The following MTSS1 variants were observed in gnomAD, a reference collection of about 807,000 sequenced individuals.
MTSS1 encodes the protein protein MTSS 1.
Under a neutral mutation model 79.0 loss-of-function variants are expected in MTSS1, and 18 were observed. The ratio of observed to expected loss-of-function variants is 0.23; its 90% CI spans 0.16 to 0.34. The LOEUF (loss-of-function observed/expected upper bound fraction) is 0.34, where lower values mean the gene tolerates loss of function less well. Ranked by LOEUF, MTSS1 falls within the 10% of genes least tolerant of loss-of-function variation. MTSS1 has a pLI of 1.00. For synonymous variants in MTSS1, 341 were observed against 368.6 expected (o/e 0.93, Z 0.86); for missense variants, 815 against 986.2 (o/e 0.83, Z 2.33).
At chr8:124,704,273 A>G (rs945633363) in intron 1 of MTSS1, 82 bp from the exon 2 acceptor site, 96 of 1,192,298 alleles carry the variant, frequency 8.1e-5, no homozygotes, top group Non-Finnish European at 1.1e-4. Flanking sequence ...AATTCCAATC[A>G]TGCAGGGAAC....
In MTSS1 at chr8:124,555,738, G is replaced by A. The variant is rs375368093; in HGVS notation, c.1567+4C>T. 2.1e-5 allele frequency: 33 copies of A among 1,604,716 alleles called. No homozygotes were observed. Among genetic ancestry groups the A allele is most frequent in the Non-Finnish European group, 2.6e-5 (30 of 1,175,436 alleles). On this transcript the variant is annotated splice_donor_region_variant and intron_variant, in intron 13 of 13. Transcript: ENST00000518547. ...CTAAGTGCACACCCCAGGCTGCCTCGTACCTTGGGAAGGGATGGTGTCCTC... is the reference window on the plus strand; with the variant it reads ...CTAAGTGCACACCCCAGGCTGCCTCATACCTTGGGAAGGGATGGTGTCCTC...
chr8:124,568,032 C>T (rs1227133450), intron 7 of MTSS1: 1 of 1,155,766 alleles, frequency 8.7e-7, no homozygotes, highest in African/African-American at 1.6e-5. Context: ...GGTCCCCACC[C>T]CCAGAGGTTT....
intron 10 of MTSS1, among the ~76,000 whole-genome samples, chr8:124,561,373 G>A (rs1825269492): frequency 6.6e-6 from 1 of 152,138 alleles, no homozygotes; most frequent in South Asian, 2.1e-4. Context: ...AGCCAACATT[G>A]CACCACTGCA....
At chr8:124,593,326 A>G (rs76997991) in intron 3 of MTSS1, among the ~76,000 whole-genome samples, 2,884 of 152,306 alleles carry the variant, frequency 0.019, 98 homozygotes, top group African/African-American at 0.066. Context: ...GTAAACTACT[A>G]CTTTCCTGGA....
At chr8:124,641,755 T>G (rs181505158) in intron 3 of MTSS1, among the ~76,000 whole-genome samples, 2 of 152,190 alleles carry the variant, frequency 1.3e-5, no homozygotes, top group Admixed American at 1.3e-4. Flanking sequence ...AGTCAGAGTG[T>G]TCCCCACCTG....
At chr8:124,593,207 T>C (rs1832156397) in intron 3 of MTSS1, among the ~76,000 whole-genome samples, 1 of 152,234 alleles carries the variant, frequency 6.6e-6, no homozygotes, top group African/African-American at 2.4e-5. Context: ...GAGGAACGTT[T>C]TATTCCCCGG....
chr8:124,642,906 A>T (rs1818318738), intron 3 of MTSS1, among the ~76,000 whole-genome samples: 1 of 152,070 alleles, frequency 6.6e-6, no homozygotes, highest in African/African-American at 2.4e-5. Flanking sequence ...CTGGGTTCTT[A>T]AGCACGGTGT....
intron 3 of MTSS1, among the ~76,000 whole-genome samples, chr8:124,670,311 G>A (rs1486191539): frequency 6.6e-6 from 1 of 152,052 alleles, no homozygotes; most frequent in African/African-American, 2.4e-5. Flanking sequence ...AAAGGAATTT[G>A]GCCAATATGG....
chr8:124,563,199 CT>C, intron 9 of MTSS1: 1 of 579,968 alleles, frequency 1.7e-6, no homozygotes, highest in African/African-American at 1.9e-5. Context: ...CAACAAAATG[CT>C]TTTCCAGGTG....
intron 3 of MTSS1, among the ~76,000 whole-genome samples, chr8:124,638,018 G>A (rs929731281): frequency 3.3e-5 from 5 of 152,322 alleles, no homozygotes; most frequent in South Asian, 2.1e-4. Flanking sequence ...TGGGAGCAGC[G>A]TAGTACTTCC....
At chr8:124,720,954 T>G (rs979752901) in intron 1 of MTSS1, among the ~76,000 whole-genome samples, 2 of 152,176 alleles carry the variant, frequency 1.3e-5, no homozygotes, top group Non-Finnish European at 2.9e-5. Context: ...CTTACAGAGA[T>G]TAAATAACTC....
At position 124,658,763 on chromosome 8, in the gene MTSS1, G is replaced by T. The variant is rs144272972; in HGVS notation, c.208+40763C>A. ...AGAACAGCAGCAAAGCGCCAAGGGG[G>T]AAATCCACCCCCACAGTCCAATCAC... On this transcript the variant is annotated intron_variant, in intron 3 of 13. Coordinates refer to ENST00000518547, the MANE Select transcript of MTSS1 (RefSeq NM_014751.6). 1.8e-4 allele frequency among the ~76,000 whole-genome samples: 28 copies of T among 152,208 alleles called. No homozygotes were observed. In the East Asian group the frequency reaches 5.4e-3, roughly 29 times the overall value.
chr8:124,685,446 C>T (rs1826803359), intron 3 of MTSS1, among the ~76,000 whole-genome samples: 1 of 152,216 alleles, frequency 6.6e-6, no homozygotes, highest in Non-Finnish European at 1.5e-5. Context: ...CAGTACAGTG[C>T]TACGACAGCG....
intron 5 of MTSS1, among the ~76,000 whole-genome samples, chr8:124,588,552 C>T (rs1305035842): frequency 6.6e-6 from 1 of 152,180 alleles, no homozygotes; most frequent in African/African-American, 2.4e-5. Flanking sequence ...ACTCACTCAA[C>T]CAGTTCACAA....
chr8:124,592,111 C>T (rs1382063154), intron 3 of MTSS1, among the ~76,000 whole-genome samples: 1 of 152,108 alleles, frequency 6.6e-6, no homozygotes, highest in Non-Finnish European at 1.5e-5. Flanking sequence ...TTTAAATGGG[C>T]TTGAGCAACA....
chr8:124,707,191 A>T (rs1446051422), intron 1 of MTSS1, among the ~76,000 whole-genome samples: 1 of 151,950 alleles, frequency 6.6e-6, no homozygotes, highest in East Asian at 1.9e-4. Flanking sequence ...TCTCCCAAAC[A>T]CCAAACACTC....
intron 3 of MTSS1, among the ~76,000 whole-genome samples, chr8:124,622,092 G>A (rs372328477): frequency 2.3e-5 from 3 of 132,132 alleles, no homozygotes; most frequent in South Asian, 2.4e-4. Context: ...GAGAGAGAGA[G>A]AGAGAATATG....
intron 3 of MTSS1, among the ~76,000 whole-genome samples, chr8:124,601,072 T>TTTTC (rs1563833165): frequency 1.4e-5 from 2 of 147,052 alleles, no homozygotes; most frequent in African/African-American, 5.1e-5. Context: ...ATTTTTTTTT[T>TTTTC]TTTTTTTTTT....
At chr8:124,555,437 G>A (rs1823424872) in intron 13 of MTSS1, among the ~76,000 whole-genome samples, 1 of 152,074 alleles carries the variant, frequency 6.6e-6, no homozygotes, top group Non-Finnish European at 1.5e-5. Context: ...TAGTAGAGAT[G>A]GGGTTTCACC....
Sources: gnomAD v4.1 joint callset for allele counts (sites outside exome capture counted in the v4.1 genomes callset) on GRCh38, gnomAD v4.1.1 for gene constraint, MANE v1.5 for transcripts, NCBI Gene and HGNC (gene_info 2026-07-23, HGNC 2026-07-21) for gene names.